Variants in ZCWPW2 observed in about 807,000 individuals in gnomAD.
ZCWPW2 encodes zinc finger CW-type PWWP domain protein 2.
A neutral mutation model predicts 46.6 loss-of-function variants in ZCWPW2; 45 were observed. The observed-to-expected ratio is 0.96, with a 90% CI of 0.76 to 1.24. The LOEUF (loss-of-function observed/expected upper bound fraction) is 1.24, where lower values mean the gene tolerates loss of function less well. ZCWPW2 is among the 50% of genes most tolerant of loss of function. The probability of loss-of-function intolerance (pLI) is 0.00; values close to 1 mark genes in which losing one functional copy is unlikely to be tolerated. For missense variants in ZCWPW2, 429 were observed against 403.9 expected, an observed-to-expected ratio of 1.06 and a Z score of -0.53; for synonymous variants, 152 against 137.1, an observed-to-expected ratio of 1.11 and a Z score of -0.76.
At chr3:28,517,825 A>G (rs1700613620) in intron 8 of ZCWPW2, among the ~76,000 whole-genome samples, 2 of 152,188 alleles carry the variant, frequency 1.3e-5, no homozygotes, top group African/African-American at 4.8e-5. Context: ...TTTATTTTCT[A>G]CACATTAATT....
chr3:28,473,926 A>G (rs1316905349), intron 4 of ZCWPW2, among the ~76,000 whole-genome samples: 2 of 152,196 alleles, frequency 1.3e-5, no homozygotes, highest in East Asian at 1.9e-4. Flanking sequence ...AGTACAAAAA[A>G]TAGAAAGAAT....
At chr3:28,514,015 T>C in intron 6 of ZCWPW2, 49 bp from the exon 7 acceptor site, 1 of 1,409,408 alleles carries the variant, frequency 7.1e-7, no homozygotes, top group Non-Finnish European at 9.5e-7. Flanking sequence ...TTTACTGAGC[T>C]GATTTAGTCC....
At chr3:28,349,504 C>T (rs1053961738) in intron 1 of ZCWPW2, among the ~76,000 whole-genome samples, 2 of 152,150 alleles carry the variant, frequency 1.3e-5, no homozygotes, top group African/African-American at 4.8e-5. Context: ...ACAAACGACA[C>T]CACGACTTCT....
intron 4 of ZCWPW2, among the ~76,000 whole-genome samples, chr3:28,457,452 C>A (rs1698468359): frequency 6.6e-6 from 1 of 152,134 alleles, no homozygotes; most frequent in African/African-American, 2.4e-5. Flanking sequence ...TCTTGATATC[C>A]ATTAATATTG....
At chr3:28,454,728 A>G (rs750115839) in intron 4 of ZCWPW2, among the ~76,000 whole-genome samples, 5 of 152,178 alleles carry the variant, frequency 3.3e-5, no homozygotes, top group South Asian at 2.1e-4. Flanking sequence ...AAGTAAGAAC[A>G]TGCAATATTT....
At chr3:28,357,081 A>T (rs1704765365) in intron 1 of ZCWPW2, among the ~76,000 whole-genome samples, 1 of 152,192 alleles carries the variant, frequency 6.6e-6, no homozygotes, top group Non-Finnish European at 1.5e-5. Context: ...AAAGAAAAAA[A>T]AATCCATTTT....
chr3:28,433,125 A>T (rs959627953), intron 3 of ZCWPW2, among the ~76,000 whole-genome samples: 1 of 151,688 alleles, frequency 6.6e-6, no homozygotes, highest in Non-Finnish European at 1.5e-5. Context: ...ACAAACACAC[A>T]TACTCCCTAC....
chr3:28,420,858 T>G (rs1419688865), intron 3 of ZCWPW2, among the ~76,000 whole-genome samples: 1 of 152,164 alleles, frequency 6.6e-6, no homozygotes. Context: ...GTTGTTCAGA[T>G]TGGTTTATTC....
chr3:28,352,022 G>A (rs1431750024), intron 1 of ZCWPW2, among the ~76,000 whole-genome samples: 1 of 151,806 alleles, frequency 6.6e-6, no homozygotes, highest in Non-Finnish European at 1.5e-5. Flanking sequence ...AATAAAACCT[G>A]GTATTTGGGC....
chr3:28,358,877 C>T (rs759818898), intron 1 of ZCWPW2, among the ~76,000 whole-genome samples: 1 of 151,870 alleles, frequency 6.6e-6, no homozygotes, highest in Admixed American at 6.6e-5. Context: ...TTCAAATTTT[C>T]TGTTTGAAAA....
chr3:28,511,935 T>C (rs1349117701), intron 6 of ZCWPW2, among the ~76,000 whole-genome samples: 2 of 152,170 alleles, frequency 1.3e-5, no homozygotes, highest in Non-Finnish European at 2.9e-5. Flanking sequence ...TGTAATTTTT[T>C]TCATAATCAT....
chr3:28,445,095 C>T (rs1343830880), intron 4 of ZCWPW2, among the ~76,000 whole-genome samples: 1 of 151,538 alleles, frequency 6.6e-6, no homozygotes, highest in Non-Finnish European at 1.5e-5. Context: ...TGGAACCACT[C>T]CTGGTACCAA....
Position 28,525,250 on chromosome 3 carries a change from G to C in ZCWPW2, c.*562G>C, listed in dbSNP as rs976587822. ...GGTACCCAAAACTGACTGCTTAATAGAGTCTCTGGGAGATTTTGGAAGATC... is the reference window on the plus strand; with the variant it reads ...GGTACCCAAAACTGACTGCTTAATACAGTCTCTGGGAGATTTTGGAAGATC... On this transcript the variant is annotated 3_prime_UTR_variant, in exon 10 of 10. Coordinates refer to ENST00000383768, the MANE Select transcript of ZCWPW2 (RefSeq NM_001040432.4). 2 of 152,142 alleles carry C rather than the reference G, an allele frequency of 1.3e-5. No individual in the cohort carries two copies. Among genetic ancestry groups the C allele is most frequent in the African/African-American group, 4.8e-5 (2 of 41,424 alleles). The allele number at this position is 152,142 out of a possible 1,614,324, so 9.4% of individuals were successfully genotyped here.
chr3:28,490,418 T>G (rs1403650705), intron 5 of ZCWPW2, among the ~76,000 whole-genome samples: 1 of 152,080 alleles, frequency 6.6e-6, no homozygotes, highest in African/African-American at 2.4e-5. Context: ...TGGAATTAAC[T>G]TAGATGCCCA....
chr3:28,474,808 TTGTTGTTG>T (rs1699177470), intron 4 of ZCWPW2, among the ~76,000 whole-genome samples: 1 of 6,888 alleles, frequency 1.5e-4, no homozygotes, highest in Non-Finnish European at 4.0e-4. Flanking sequence ...GAACTATTTG[TTGTTGTTG>T]TTGTTGTTGT....
chr3:28,412,952 C>G (rs961213793), intron 2 of ZCWPW2, 104 bp from the exon 3 acceptor site: 1 of 816,378 alleles, frequency 1.2e-6, no homozygotes, highest in Non-Finnish European at 1.9e-6. Flanking sequence ...AGGGGGTGGG[C>G]ATAGAAGATA....
At chr3:28,482,888 A>AT (rs1322701929) in intron 5 of ZCWPW2, among the ~76,000 whole-genome samples, 3 of 152,106 alleles carry the variant, frequency 2.0e-5, no homozygotes, top group Non-Finnish European at 4.4e-5. Flanking sequence ...TTCTTTGTAT[A>AT]TTTTAGATGT....
At chr3:28,486,398 T>C (rs1361992086) in intron 5 of ZCWPW2, among the ~76,000 whole-genome samples, 4 of 151,994 alleles carry the variant, frequency 2.6e-5, no homozygotes, top group East Asian at 1.9e-4. Context: ...ACTTTACCTT[T>C]ACTTATTCAG....
chr3:28,433,733 G>A (rs1697363379), intron 3 of ZCWPW2, among the ~76,000 whole-genome samples: 1 of 150,810 alleles, frequency 6.6e-6, no homozygotes, highest in African/African-American at 2.4e-5. Context: ...TCCAGCCTGG[G>A]TGACAGAGCA....
Sources: allele counts gnomAD v4.1 joint callset (sites outside exome capture counted in the v4.1 genomes callset), GRCh38; gene constraint gnomAD v4.1.1; transcripts MANE v1.5; gene names NCBI Gene and HGNC (gene_info 2026-07-23, HGNC 2026-07-21).